LIN52: variants seen among roughly 807,000 people sequenced by gnomAD.
LIN52 encodes the protein protein lin-52 homolog.
LIN52 carries 4 observed loss-of-function variants against 18.5 expected under a neutral mutation model. The ratio of observed to expected loss-of-function variants is 0.22; its 90% CI spans 0.11 to 0.49. The LOEUF is 0.49. Among genes scored for constraint, LIN52 ranks in the 20% least tolerant of loss-of-function variants. LIN52 has a pLI of 0.97. For missense variants in LIN52, 102 were observed against 139.5 expected (o/e 0.73, Z 1.35); for synonymous variants, 34 against 45.5 (o/e 0.75, Z 1.02).
chr14:74,168,724 A>G (rs1416611633), intron 5 of LIN52, among the ~76,000 whole-genome samples: 1 of 152,130 alleles, frequency 6.6e-6, no homozygotes, highest in East Asian at 1.9e-4. Context: ...GTAAAAGGAA[A>G]CATACTTAAT....
chr14:74,180,589 T>G (rs1323980986), intron 5 of LIN52, among the ~76,000 whole-genome samples: 1 of 152,066 alleles, frequency 6.6e-6, no homozygotes, highest in Non-Finnish European at 1.5e-5. Flanking sequence ...GGAAGAATGG[T>G]AGATCTCTTT....
chr14:74,135,321 C>T (rs2061091470), intron 5 of LIN52, among the ~76,000 whole-genome samples: 3 of 152,092 alleles, frequency 2.0e-5, no homozygotes, highest in Admixed American at 2.0e-4. Flanking sequence ...CGTTGGCCTC[C>T]CAAAGTGCTG....
chr14:74,155,612 T>C (rs1469636647), intron 5 of LIN52, among the ~76,000 whole-genome samples: 1 of 152,234 alleles, frequency 6.6e-6, no homozygotes, highest in Non-Finnish European at 1.5e-5. Context: ...GCTAAATCCA[T>C]TAAATAAAGA....
intron 5 of LIN52, among the ~76,000 whole-genome samples, chr14:74,114,652 G>A (rs1025947834): frequency 6.6e-6 from 1 of 152,128 alleles, no homozygotes; most frequent in African/African-American, 2.4e-5. Flanking sequence ...TTGTAGGCAG[G>A]CATCTTTATT....
At chr14:74,192,152 G>A (rs149494305) in intron 5 of LIN52, among the ~76,000 whole-genome samples, 2 of 152,222 alleles carry the variant, frequency 1.3e-5, no homozygotes, top group East Asian at 1.9e-4. Flanking sequence ...CTGGTGCTAT[G>A]TATGTGCTTA....
chr14:74,153,309 T>G (rs886955975), intron 5 of LIN52, among the ~76,000 whole-genome samples: 2 of 152,160 alleles, frequency 1.3e-5, no homozygotes, highest in African/African-American at 4.8e-5. Context: ...TTAGAACTAG[T>G]TTTTTCTTTG....
chr14:74,089,607 A>G (rs1595142575), intron 1 of LIN52, among the ~76,000 whole-genome samples: 2 of 152,012 alleles, frequency 1.3e-5, no homozygotes, highest in South Asian at 2.1e-4. Context: ...AGCTCAAGCA[A>G]TCCACCCACC....
At chr14:74,185,675 A>G (rs577899465) in intron 5 of LIN52, among the ~76,000 whole-genome samples, 1 of 152,282 alleles carries the variant, frequency 6.6e-6, no homozygotes, top group African/African-American at 2.4e-5. Flanking sequence ...TATTTTATTT[A>G]ACCTACAATA....
intron 5 of LIN52, among the ~76,000 whole-genome samples, chr14:74,158,479 TTTG>T (rs1485402464): frequency 1.7e-5 from 2 of 117,306 alleles, no homozygotes; most frequent in Admixed American, 1.8e-4. Context: ...TATTTACTTG[TTTG>T]TTTATTTATT....
At chr14:74,170,517 AT>A (rs2061265648) in intron 5 of LIN52, among the ~76,000 whole-genome samples, 1 of 149,540 alleles carries the variant, frequency 6.7e-6, no homozygotes, top group Admixed American at 6.7e-5. Context: ...AAAAAAAAAA[AT>A]GGAAATAATT....
At chr14:74,098,523 A>C (rs2060830762) in intron 4 of LIN52, among the ~76,000 whole-genome samples, 1 of 151,278 alleles carries the variant, frequency 6.6e-6, no homozygotes, top group Non-Finnish European at 1.5e-5. Flanking sequence ...CTCAAAAAAA[A>C]AAAAAAGTTA....
intron 1 of LIN52, among the ~76,000 whole-genome samples, chr14:74,087,413 CAAAAAAAAAAAA>C (rs59052804): frequency 7.0e-5 from 7 of 100,240 alleles, no homozygotes; most frequent in Non-Finnish European, 1.2e-4. Flanking sequence ...GACTCCATTG[CAAAAAAAAAAAA>C]AAAAAAAAAA....
intron 1 of LIN52, among the ~76,000 whole-genome samples, chr14:74,090,769 G>T (rs71429036): frequency 0.11 from 16,972 of 152,170 alleles, 1,243 homozygotes; most frequent in Admixed American, 0.19. Context: ...AGCAGTGGGG[G>T]GTTGTGTACA....
At chr14:74,130,603 T>G (rs2061060476) in intron 5 of LIN52, among the ~76,000 whole-genome samples, 2 of 140,912 alleles carry the variant, frequency 1.4e-5, no homozygotes, top group Non-Finnish European at 3.1e-5. Flanking sequence ...TTTTTTTTTT[T>G]TTTTTTTTTG....
intron 5 of LIN52, among the ~76,000 whole-genome samples, chr14:74,182,448 T>A (rs2061321773): frequency 8.1e-6 from 1 of 123,272 alleles, no homozygotes; most frequent in African/African-American, 2.5e-5. Flanking sequence ...AAAAATCAAA[T>A]TATCAGTTAA....
At chr14:74,187,987 G>A (rs867308786) in intron 5 of LIN52, among the ~76,000 whole-genome samples, 29 of 152,100 alleles carry the variant, frequency 1.9e-4, no homozygotes, top group African/African-American at 6.5e-4. Context: ...AATCCCTTAC[G>A]ATCATAGGTT....
chr14:74,151,466 T>G (rs1038808545), intron 5 of LIN52, among the ~76,000 whole-genome samples: 5 of 152,124 alleles, frequency 3.3e-5, no homozygotes, highest in African/African-American at 1.2e-4. Flanking sequence ...GTCAGTGAAA[T>G]TTATTAATGA....
chr14:74,114,648 G>T (rs2060953008), intron 5 of LIN52, among the ~76,000 whole-genome samples: 1 of 152,132 alleles, frequency 6.6e-6, no homozygotes, highest in African/African-American at 2.4e-5. Flanking sequence ...TCCTTTGTAG[G>T]CAGGCATCTT....
At chr14:74,096,080 A>C in intron 3 of LIN52, 95 bp downstream of exon 3, 1 of 850,792 alleles carries the variant, frequency 1.2e-6, no homozygotes, top group South Asian at 1.8e-5. Context: ...TATTTTATTT[A>C]TGGCAGAGTC....
Sources: allele counts gnomAD v4.1 joint callset (sites outside exome capture counted in the v4.1 genomes callset), GRCh38; gene constraint gnomAD v4.1.1; transcripts MANE v1.5; gene names NCBI Gene and HGNC (gene_info 2026-07-23, HGNC 2026-07-21).